The following PCTP variants were observed in gnomAD, a reference collection of about 807,000 sequenced individuals.
The protein encoded by PCTP is phosphatidylcholine transfer protein.
In PCTP, 27 loss-of-function variants were observed where a neutral mutation model predicts 31.0. The ratio of observed to expected loss-of-function variants is 0.87; its 90% CI spans 0.64 to 1.20. The LOEUF (loss-of-function observed/expected upper bound fraction) is 1.20, where lower values mean the gene tolerates loss of function less well. Ranked by LOEUF, PCTP falls within the 50% of genes most tolerant of loss-of-function variation. The probability of loss-of-function intolerance (pLI) is 0.00; values close to 1 mark genes in which losing one functional copy is unlikely to be tolerated. For missense variants in PCTP, 287 were observed against 268.2 expected (o/e 1.07, Z -0.49); for synonymous variants, 108 against 101.2 (o/e 1.07, Z -0.40).
intron 3 of PCTP, among the ~76,000 whole-genome samples, chr17:55,796,859 A>C (rs549160620): frequency 6.6e-6 from 1 of 152,140 alleles, no homozygotes; most frequent in Admixed American, 6.6e-5. Flanking sequence ...TGATTTTTAC[A>C]CATAATGAGT....
the PCTP span, among the ~76,000 whole-genome samples, chr17:55,849,204 A>G: frequency 1.3e-5 from 2 of 152,248 alleles, no homozygotes; most frequent in East Asian, 3.8e-4. Context: ...TATTAAAAAA[A>G]AGAGCCAAAA....
intron 3 of PCTP, among the ~76,000 whole-genome samples, chr17:55,790,399 A>G (rs1311412622): frequency 6.6e-6 from 1 of 152,048 alleles, no homozygotes; most frequent in Non-Finnish European, 1.5e-5. Flanking sequence ...GTATATCTAG[A>G]AAACCCCATT....
chr17:55,770,059 T>G (rs1910897163), intron 2 of PCTP: 1 of 152,224 alleles, frequency 6.6e-6, no homozygotes, highest in Non-Finnish European at 1.5e-5. Context: ...CTCCAGGGAC[T>G]TTGGGCTCCT....
At chr17:55,845,375 G>A (rs1464753340), downstream of PCTP, among the ~76,000 whole-genome samples, 1 of 152,048 alleles carries the variant, frequency 6.6e-6, no homozygotes, top group Non-Finnish European at 1.5e-5. Context: ...AGCCTCTTCC[G>A]TCTCCGTGGT....
intron 4 of PCTP, 61 bp downstream of exon 4, chr17:55,773,956 T>C (rs1911161972): frequency 1.3e-6 from 2 of 1,498,274 alleles, no homozygotes; most frequent in African/African-American, 1.4e-5. Context: ...AGGGCCAGGC[T>C]GATGGGGGGA....
intron 3 of PCTP, among the ~76,000 whole-genome samples, chr17:55,820,489 T>C (rs1275562519): frequency 6.6e-6 from 1 of 152,126 alleles, no homozygotes; most frequent in Non-Finnish European, 1.5e-5. Context: ...AGGGGATGAA[T>C]AGCTCCCTCG....
the PCTP span, among the ~76,000 whole-genome samples, chr17:55,847,850 TCA>T: frequency 1.3e-5 from 2 of 152,208 alleles, no homozygotes; most frequent in Non-Finnish European, 2.9e-5. Context: ...AATCTACTGT[TCA>T]GTCTACCAAT....
At chr17:55,789,080 T>C (rs1429660259) in intron 3 of PCTP, among the ~76,000 whole-genome samples, 2 of 152,232 alleles carry the variant, frequency 1.3e-5, no homozygotes, top group Admixed American at 1.3e-4. Flanking sequence ...GGAGTAATTA[T>C]ATTCACACTT....
intron 3 of PCTP, among the ~76,000 whole-genome samples, chr17:55,773,435 C>CTT (rs1911118093): frequency 6.6e-6 from 1 of 152,168 alleles, no homozygotes; most frequent in Non-Finnish European, 1.5e-5. Flanking sequence ...CTGTCATCTC[C>CTT]CAGTGCCTTC....
In PCTP at chr17:55,776,831, T is replaced by G; in HGVS notation, c.*731T>G. 9.8e-7 allele frequency: 1 copy of G among 1,015,394 alleles called. No individual in the cohort carries two copies. The highest frequency in any genetic ancestry group is 1.2e-6 in the Non-Finnish European group (1 of 850,212). The allele number at this position is 1,015,394 out of a possible 1,614,324, so 62.9% of individuals were successfully genotyped here. On this transcript the variant is annotated 3_prime_UTR_variant, in exon 6 of 6. Transcript: ENST00000268896. ...CATGAGGAAATGGATGATTTCTCTT[T>G]TCCATATGTCACTGGGGGAAAGGCT... is the stretch of plus-strand genomic sequence containing the variant.
rs1363656157 is a variant in PCTP at position 55,777,262 on chromosome 17, C to G, written c.*1162C>G. On this transcript the variant is annotated 3_prime_UTR_variant, in exon 6 of 6. Coordinates refer to ENST00000268896, the MANE Select transcript of PCTP (RefSeq NM_021213.4). Reference sequence around the variant, plus strand: ...TGAACCTTGATTAATAACAGAAATTCAGGATGTAAAGCCACAGAATGGGAT... The same window carrying G: ...TGAACCTTGATTAATAACAGAAATTGAGGATGTAAAGCCACAGAATGGGAT... 7.1e-5 allele frequency: 70 copies of G among 985,432 alleles called. No homozygotes were observed. Among genetic ancestry groups the G allele is most frequent in the Non-Finnish European group, 8.0e-5 (66 of 829,706 alleles). 61.0% of individuals were successfully genotyped at this position (985,432 alleles called of 1,614,324 possible). A position where few individuals can be genotyped will look rare whatever the true frequency, so the allele number is the denominator to read the frequency against.
chr17:55,780,821 C>A (rs112523182), downstream of PCTP, among the ~76,000 whole-genome samples: 2,295 of 152,242 alleles, frequency 0.015, 71 homozygotes, highest in African/African-American at 0.052. Flanking sequence ...AGCTCAGGAT[C>A]TTAAAAGGAA....
At chr17:55,850,471 G>A in the PCTP span, among the ~76,000 whole-genome samples, 1 of 152,088 alleles carries the variant, frequency 6.6e-6, no homozygotes, top group Non-Finnish European at 1.5e-5. Flanking sequence ...AGTTAAATTG[G>A]GTTAGGACAT....
In PCTP at chr17:55,774,869, C is replaced by CT. The variant is rs771146924; in HGVS notation, c.579+10_579+11insT. 2.6e-5 allele frequency: 39 copies of CT among 1,483,034 alleles called. No individual in the cohort carries two copies. The African/African-American group carries it at 6.4e-4, about 24-fold the overall frequency. 91.9% of individuals were successfully genotyped at this position (1,483,034 alleles called of 1,614,324 possible). On this transcript the variant is annotated intron_variant, in intron 5 of 5. Transcript: ENST00000268896. The stretch of plus-strand genomic sequence containing the variant: ...TAACTGGGCCGCCAAGGTGAGATCC[C>CT]AGGAGGTGGGGCGGGGGGAGGGATG...
At chr17:55,795,269 T>C (rs563918735) in intron 3 of PCTP, among the ~76,000 whole-genome samples, 1 of 152,224 alleles carries the variant, frequency 6.6e-6, no homozygotes, top group South Asian at 2.1e-4. Context: ...AAGGGCATTG[T>C]AACTTCACGT....
chr17:55,832,384 G>C (rs1905631223), intron 5 of PCTP, among the ~76,000 whole-genome samples: 1 of 152,130 alleles, frequency 6.6e-6, no homozygotes, highest in Non-Finnish European at 1.5e-5. Flanking sequence ...ACGTTTGAAG[G>C]GGGAAAAGAA....
chr17:55,806,754 A>G (rs930394342), intron 3 of PCTP, among the ~76,000 whole-genome samples: 1 of 151,894 alleles, frequency 6.6e-6, no homozygotes, highest in Non-Finnish European at 1.5e-5. Flanking sequence ...AGACATCACT[A>G]TTACAGTGTT....
intron 3 of PCTP, among the ~76,000 whole-genome samples, chr17:55,816,394 A>G (rs1230581588): frequency 6.6e-6 from 1 of 152,210 alleles, no homozygotes; most frequent in Non-Finnish European, 1.5e-5. Flanking sequence ...GCATCCTACT[A>G]TTCTTCTACA....
intron 2 of PCTP, 110 bp downstream of exon 2, chr17:55,767,562 TC>T: frequency 1.6e-6 from 1 of 636,384 alleles, no homozygotes. Flanking sequence ...CCTCCTGGGT[TC>T]AAGCGATTCT....
Sources: allele counts gnomAD v4.1 joint callset (sites outside exome capture counted in the v4.1 genomes callset), GRCh38; gene constraint gnomAD v4.1.1; transcripts MANE v1.5; gene names NCBI Gene and HGNC (gene_info 2026-07-23, HGNC 2026-07-21).